Variants in ARFGEF2 observed in about 807,000 individuals in gnomAD.
ARFGEF2 encodes the protein ARF guanine nucleotide exchange factor 2.
A neutral mutation model predicts 219.9 loss-of-function variants in ARFGEF2; 74 were observed. That is an observed-to-expected ratio of 0.34 (90% CI 0.28 to 0.41). ARFGEF2 has a LOEUF of 0.41. Among genes scored for constraint, ARFGEF2 ranks in the 10% least tolerant of loss-of-function variants. ARFGEF2 has a pLI of 1.00. For missense variants in ARFGEF2, 1,743 were observed against 2,218.3 expected (o/e 0.79, Z 4.30); for synonymous variants, 733 against 799.2 (o/e 0.92, Z 1.40).
At chr20:49,026,837 T>C (rs2091606840) in intron 36 of ARFGEF2, among the ~76,000 whole-genome samples, 2 of 152,100 alleles carry the variant, frequency 1.3e-5, no homozygotes. Flanking sequence ...CCACTCATCT[T>C]AGCCTCCCAA....
chr20:48,980,005 A>T, intron 14 of ARFGEF2, among the ~76,000 whole-genome samples: 1 of 150,256 alleles, frequency 6.7e-6, no homozygotes, highest in African/African-American at 2.5e-5. Flanking sequence ...GATCTTAGTT[A>T]TTTCTTGCCT....
At position 49,017,544 on chromosome 20, in the gene ARFGEF2, G is replaced by A. The variant is rs1387062230; in HGVS notation, c.4503G>A (p.Lys1501=). ...PVGMEEDSSE[K]HLDVDLDRQS... The stretch of plus-strand genomic sequence containing the variant: ...GAATGGAGGAAGATTCATCAGAAAA[G>A]CATTTGGTAGGATTTGGGGTTTTTC... The change falls in exon 33 of 39, where the codon AAG becomes AAA. Residue 1501 remains lysine, a synonymous_variant. Coordinates refer to ENST00000371917, the MANE Select transcript of ARFGEF2 (RefSeq NM_006420.3). 1.5e-5 allele frequency: 24 copies of A among 1,613,820 alleles called. No individual in the cohort carries two copies. The highest frequency in any genetic ancestry group is 2.0e-5 in the Non-Finnish European group (24 of 1,179,988).
intron 38 of ARFGEF2, 47 bp downstream of exon 38, chr20:49,032,213 TG>T: frequency 7.0e-7 from 1 of 1,434,524 alleles, no homozygotes; most frequent in Non-Finnish European, 9.8e-7. Flanking sequence ...ACATAAAGTT[TG>T]GGTTGGCTTT....
rs936109773 is a variant in ARFGEF2 at position 49,035,644 on chromosome 20, C to T, written c.*2445C>T. 1 of 152,206 alleles carries T rather than the reference C, an allele frequency of 6.6e-6. No individual in the cohort carries two copies. The highest frequency in any genetic ancestry group is 1.5e-5 in the Non-Finnish European group (1 of 68,068). The allele number at this position is 152,206 out of a possible 1,614,324, so 9.4% of individuals were successfully genotyped here. A position where few individuals can be genotyped will look rare whatever the true frequency, so the allele number is the denominator to read the frequency against. ...TCAGGCCAGGACACCATTTATTTAA[C>T]CAAGTAATGGAGGAGAGTGAAACAT... is the stretch of plus-strand genomic sequence containing the variant. On this transcript the variant is annotated 3_prime_UTR_variant, in exon 39 of 39. Transcript: ENST00000371917.
intron 25 of ARFGEF2, among the ~76,000 whole-genome samples, chr20:49,000,042 G>GT (rs773360249): frequency 1.5e-4 from 23 of 152,202 alleles, no homozygotes; most frequent in Admixed American, 4.6e-4. Flanking sequence ...GCATCTGCCA[G>GT]TTTCTGTGTG....
At chr20:49,028,473 C>G in intron 36 of ARFGEF2, 57 bp from the exon 37 acceptor site, 1 of 1,537,110 alleles carries the variant, frequency 6.5e-7, no homozygotes, top group Non-Finnish European at 9.0e-7. Flanking sequence ...TAGTCATACA[C>G]AGTTATCAGC....
intron 1 of ARFGEF2, 26 bp downstream of exon 1, chr20:48,922,036 C>A (rs1246977208): frequency 2.6e-6 from 4 of 1,567,040 alleles, no homozygotes; most frequent in Non-Finnish European, 3.5e-6. Context: ...CCGCCCTGCC[C>A]CGCGCTGGCC....
intron 35 of ARFGEF2, among the ~76,000 whole-genome samples, 181 bp downstream of exon 35, chr20:49,023,362 A>T (rs1205895862): frequency 6.6e-6 from 1 of 152,162 alleles, no homozygotes; most frequent in Non-Finnish European, 1.5e-5. Context: ...AGTTATTTAC[A>T]TCAGAGAAAA....
chr20:48,946,093 T>C (rs1479557224), intron 3 of ARFGEF2, among the ~76,000 whole-genome samples: 2 of 152,190 alleles, frequency 1.3e-5, no homozygotes, highest in East Asian at 1.9e-4. Flanking sequence ...TTTCCCAGTG[T>C]GGGCAAGGTA....
intron 33 of ARFGEF2, among the ~76,000 whole-genome samples, chr20:49,018,647 C>T (rs2091545659): frequency 6.6e-6 from 1 of 152,148 alleles, no homozygotes; most frequent in African/African-American, 2.4e-5. Flanking sequence ...AGAGAAATGT[C>T]CTCTGGGTTG....
chr20:49,024,579 C>T (rs1483001498), intron 35 of ARFGEF2, among the ~76,000 whole-genome samples: 1 of 152,128 alleles, frequency 6.6e-6, no homozygotes, highest in Non-Finnish European at 1.5e-5. Flanking sequence ...TAAATACTAG[C>T]AAAAGTAATG....
chr20:48,936,393 G>A (rs1487989921), intron 1 of ARFGEF2, among the ~76,000 whole-genome samples: 3 of 150,706 alleles, frequency 2.0e-5, no homozygotes, highest in African/African-American at 7.3e-5. Context: ...GCCGGGTGGA[G>A]ATGCTCCTCA....
At chr20:49,021,242 GA>G (rs983061001) in intron 34 of ARFGEF2, among the ~76,000 whole-genome samples, 20 of 139,288 alleles carry the variant, frequency 1.4e-4, no homozygotes, top group South Asian at 6.9e-4. Flanking sequence ...TCTCTAAGAA[GA>G]AAAAAAAAAT....
chr20:48,929,246 C>T (rs1173542275), intron 1 of ARFGEF2, among the ~76,000 whole-genome samples: 1 of 152,216 alleles, frequency 6.6e-6, no homozygotes, highest in Non-Finnish European at 1.5e-5. Context: ...GTAAACAAGC[C>T]TTCTGGCTTG....
At chr20:48,982,829 G>T (rs2091304832) in intron 14 of ARFGEF2, among the ~76,000 whole-genome samples, 1 of 152,176 alleles carries the variant, frequency 6.6e-6, no homozygotes, top group African/African-American at 2.4e-5. Flanking sequence ...CTCCTGGTGT[G>T]CCATTTGCTA....
rs8122184 is a variant in ARFGEF2 at position 48,935,876 on chromosome 20, T to C, written c.122-5323T>C. Among the ~76,000 whole-genome samples the C allele has an allele frequency of 7.8e-3, 675 of 86,452 alleles. 71 individuals carry two copies. Among genetic ancestry groups the C allele is most frequent in the African/African-American group, 0.024 (408 of 16,742 alleles). The allele number at this position is 86,452 out of a possible 152,430, so 56.7% of individuals were successfully genotyped here. A position where few individuals can be genotyped will look rare whatever the true frequency, so the allele number is the denominator to read the frequency against. On this transcript the variant is annotated intron_variant, in intron 1 of 38. Transcript: ENST00000371917. ...CGGCTGGCCGGGCAGAGGAGCTCCT[T>C]ACTTCCCAGTAGGGGCGGCCGGGCA...
At chr20:48,952,075 A>AT (rs1388958264) in intron 4 of ARFGEF2, among the ~76,000 whole-genome samples, 1 of 148,656 alleles carries the variant, frequency 6.7e-6, no homozygotes, top group Non-Finnish European at 1.5e-5. Context: ...TTGGAGTGTT[A>AT]TATGTCATGA....
rs775665358 is a variant in ARFGEF2 at position 49,005,090 on chromosome 20, A to G, written c.3453A>G (p.Glu1151=). ...HFNKVGCNPN[E]DVAIFAVDSL... Reference sequence around the variant, plus strand: ...TTCAGGTTGGCTGCAACCCTAATGAAGATGTGGCTATCTTTGCTGTTGACT... The same window carrying G: ...TTCAGGTTGGCTGCAACCCTAATGAGGATGTGGCTATCTTTGCTGTTGACT... Residue 1151 remains glutamate, a synonymous_variant, in exon 26 of 39, where the codon GAA becomes GAG. Transcript: ENST00000371917. 6.2e-7 allele frequency: 1 copy of G among 1,614,172 alleles called. No homozygotes were observed. Among genetic ancestry groups the G allele is most frequent in the South Asian group, 1.1e-5 (1 of 91,078 alleles).
chr20:48,922,335 C>G (rs559243228), intron 1 of ARFGEF2, among the ~76,000 whole-genome samples: 7 of 152,320 alleles, frequency 4.6e-5, no homozygotes, highest in Admixed American at 4.6e-4. Flanking sequence ...GCCCTTGCCC[C>G]AAGTTTTTTC....
Sources: allele counts gnomAD v4.1 joint callset (sites outside exome capture counted in the v4.1 genomes callset), GRCh38; gene constraint gnomAD v4.1.1; transcripts MANE v1.5; gene names NCBI Gene and HGNC (gene_info 2026-07-23, HGNC 2026-07-21).